SGCZ: variants seen among roughly 807,000 people sequenced by gnomAD.
The protein encoded by SGCZ is zeta-sarcoglycan.
A neutral mutation model predicts 41.3 loss-of-function variants in SGCZ; 40 were observed. That is an observed-to-expected ratio of 0.97 (90% confidence interval 0.75 to 1.26). The LOEUF is 1.26. Ranked by LOEUF, SGCZ falls within the 50% of genes most tolerant of loss-of-function variation. The pLI is 0.00. For synonymous variants in SGCZ, 206 were observed against 137.5 expected, an observed-to-expected ratio of 1.50 and a Z score of -3.49; for missense variants, 552 against 369.8, an observed-to-expected ratio of 1.49 and a Z score of -4.04.
At chr8:14,217,628 G>GTTTTTTT (rs1168241820) in intron 4 of SGCZ, among the ~76,000 whole-genome samples, 5 of 100,830 alleles carry the variant, frequency 5.0e-5, no homozygotes, top group Non-Finnish European at 7.5e-5. Context: ...TTCAACTAAA[G>GTTTTTTT]TTTTTTTTTT....
chr8:15,078,234 G>T (rs1239368715), intron 1 of SGCZ, among the ~76,000 whole-genome samples: 2 of 137,184 alleles, frequency 1.5e-5, no homozygotes, highest in African/African-American at 5.6e-5. Context: ...ATTTTTCCTG[G>T]TCATGAGACA....
At chr8:14,551,244 G>A (rs938767132) in intron 2 of SGCZ, among the ~76,000 whole-genome samples, 34 of 145,944 alleles carry the variant, frequency 2.3e-4, no homozygotes, top group African/African-American at 8.5e-4. Flanking sequence ...AATATAGAAA[G>A]AATTTATTTA....
intron 1 of SGCZ, among the ~76,000 whole-genome samples, chr8:14,750,971 A>G (rs1799479838): frequency 1.3e-5 from 2 of 152,194 alleles, no homozygotes; most frequent in African/African-American, 4.8e-5. Flanking sequence ...AGGCTGTTCA[A>G]TTGAAGCATT....
At chr8:14,377,222 T>G (rs914027290) in intron 2 of SGCZ, among the ~76,000 whole-genome samples, 3 of 152,186 alleles carry the variant, frequency 2.0e-5, no homozygotes, top group Non-Finnish European at 2.9e-5. Context: ...ATGTAATCAA[T>G]CATGCTTCCT....
At chr8:14,627,775 A>G (rs1806512234) in intron 1 of SGCZ, among the ~76,000 whole-genome samples, 1 of 152,050 alleles carries the variant, frequency 6.6e-6, no homozygotes, top group African/African-American at 2.4e-5. Context: ...GCAATCATGA[A>G]TACGTCTGCT....
chr8:14,216,608 A>G (rs1394619345), intron 4 of SGCZ, among the ~76,000 whole-genome samples: 1 of 152,186 alleles, frequency 6.6e-6, no homozygotes, highest in African/African-American at 2.4e-5. Flanking sequence ...GGGTGGTTCA[A>G]CTTTCAAAAA....
chr8:14,540,308 A>G (rs1803425135), intron 2 of SGCZ, among the ~76,000 whole-genome samples: 1 of 97,368 alleles, frequency 1.0e-5, no homozygotes, highest in Non-Finnish European at 2.1e-5. Context: ...CTTGGTGTTG[A>G]CCTTTTTTTC....
intron 4 of SGCZ, among the ~76,000 whole-genome samples, chr8:14,224,553 C>T (rs1177938742): frequency 2.0e-5 from 3 of 152,056 alleles, no homozygotes; most frequent in African/African-American, 7.3e-5. Flanking sequence ...GAAATATTTC[C>T]CTATGTGAAA....
At chr8:14,937,888 T>C (rs1482167438) in intron 1 of SGCZ, among the ~76,000 whole-genome samples, 3 of 152,118 alleles carry the variant, frequency 2.0e-5, no homozygotes, top group Non-Finnish European at 4.4e-5. Context: ...AAATTCATGA[T>C]GAATGAATAA....
chr8:14,195,191 A>G (rs1805228536), intron 4 of SGCZ, among the ~76,000 whole-genome samples: 1 of 152,082 alleles, frequency 6.6e-6, no homozygotes, highest in South Asian at 2.1e-4. Flanking sequence ...GACATTAAAA[A>G]CATGTATTAT....
chr8:14,646,748 A>C (rs1807235207), intron 1 of SGCZ, among the ~76,000 whole-genome samples: 1 of 151,932 alleles, frequency 6.6e-6, no homozygotes, highest in Non-Finnish European at 1.5e-5. Flanking sequence ...TTACTTATTA[A>C]AAATTATTTT....
Position 14,102,461 on chromosome 8 carries a change from G to T in SGCZ, c.659C>A (p.Pro220His). The T allele has an allele frequency of 6.7e-7, 1 of 1,499,038 alleles. No homozygotes were observed. Among genetic ancestry groups the T allele is most frequent in the Admixed American group, 1.8e-5 (1 of 54,866 alleles). 92.9% of individuals were successfully genotyped at this position (1,499,038 alleles called of 1,614,324 possible). Residue 220 changes from proline to histidine, a missense_variant, in exon 7 of 8, where the codon CCC becomes CAC. Physicochemically the swap from Pro to His is moderately conservative, Grantham distance 77 (BLOSUM62 -2). Transcript: ENST00000382080. ...SPTRSLIMEAPRGVQVSAAAG... is the reference protein window; with the variant it reads ...SPTRSLIMEAHRGVQVSAAAG... The stretch of plus-strand genomic sequence containing the variant: ...AGCAGCACTCACCTGGACCCCACGG[G>T]GAGCTTCCATGATCAAGGATCTGGT...
rs113580496 is a variant in SGCZ, at chr8:15,043,836, G to A, written c.39+193749C>T. On this transcript the variant is annotated intron_variant, in intron 1 of 7. Transcript: ENST00000382080. Reference sequence around the variant, plus strand: ...GTTTCAGTAAACTGTGGCTCTCAGTGCTTTAGTGTTATAAGTGAAGTAGAA... The same window carrying A: ...GTTTCAGTAAACTGTGGCTCTCAGTACTTTAGTGTTATAAGTGAAGTAGAA... Among the ~76,000 whole-genome samples the A allele has an allele frequency of 8.1e-3, 1,225 of 152,136 alleles. 4 individuals carry two copies. The highest frequency in any genetic ancestry group is 0.014 in the Non-Finnish European group (931 of 67,990).
At chr8:14,377,795 T>C (rs1265050828) in intron 2 of SGCZ, among the ~76,000 whole-genome samples, 1 of 151,902 alleles carries the variant, frequency 6.6e-6, no homozygotes, top group African/African-American at 2.4e-5. Flanking sequence ...TTTTTTGTTC[T>C]TGCGATAGTT....
intron 2 of SGCZ, among the ~76,000 whole-genome samples, chr8:14,454,167 G>T (rs190969782): frequency 6.6e-6 from 1 of 152,174 alleles, no homozygotes; most frequent in Non-Finnish European, 1.5e-5. Context: ...CAGATAGTAA[G>T]AGCCAAGGTA....
At chr8:14,832,222 TTTC>T (rs1802557341) in intron 1 of SGCZ, among the ~76,000 whole-genome samples, 1 of 152,202 alleles carries the variant, frequency 6.6e-6, no homozygotes. Flanking sequence ...TTCTATTTGC[TTTC>T]TTGTGTTATT....
At chr8:14,716,955 C>T (rs1809709396) in intron 1 of SGCZ, among the ~76,000 whole-genome samples, 1 of 151,948 alleles carries the variant, frequency 6.6e-6, no homozygotes. Flanking sequence ...ATTAATAATA[C>T]ATGAGATGAT....
At chr8:14,120,589 G>C (rs1461430335) in intron 5 of SGCZ, among the ~76,000 whole-genome samples, 1 of 151,828 alleles carries the variant, frequency 6.6e-6, no homozygotes, top group Non-Finnish European at 1.5e-5. Context: ...TATGTATATT[G>C]TTTTGAGGAA....
At chr8:14,897,153 T>C (rs1451521530) in intron 1 of SGCZ, among the ~76,000 whole-genome samples, 2 of 152,262 alleles carry the variant, frequency 1.3e-5, no homozygotes, top group East Asian at 1.9e-4. Context: ...ATTAGCTTGA[T>C]AGTGTTATTA....
Sources: allele counts gnomAD v4.1 joint callset (sites outside exome capture counted in the v4.1 genomes callset), GRCh38; gene constraint gnomAD v4.1.1; transcripts MANE v1.5; gene names NCBI Gene and HGNC (gene_info 2026-07-23, HGNC 2026-07-21).